The following CYFIP1 variants were observed in gnomAD, a reference collection of about 807,000 sequenced individuals.
CYFIP1 encodes cytoplasmic FMR1-interacting protein 1.
A neutral mutation model predicts 163.5 loss-of-function variants in CYFIP1; 58 were observed. That is an observed-to-expected ratio of 0.35 (90% CI 0.29 to 0.44). The LOEUF (loss-of-function observed/expected upper bound fraction) is 0.44. Among genes scored for constraint, CYFIP1 ranks in the 20% least tolerant of loss-of-function variants. The pLI, the probability that CYFIP1 is intolerant of heterozygous loss-of-function variation, is 1.00. For synonymous variants in CYFIP1, 663 were observed against 660.7 expected, an observed-to-expected ratio of 1.00 and a Z score of -0.05; for missense variants, 1,338 against 1,653.8, an observed-to-expected ratio of 0.81 and a Z score of 3.31.
At chr15:22,963,682 T>C (rs570107803) in intron 1 of CYFIP1, among the ~76,000 whole-genome samples, 8 of 152,226 alleles carry the variant, frequency 5.3e-5, no homozygotes, top group African/African-American at 1.9e-4. Context: ...CTCACTCCTA[T>C]GGCCCCGGGC....
chr15:22,897,837 G>A (rs899671087), intron 22 of CYFIP1, among the ~76,000 whole-genome samples: 1 of 152,202 alleles, frequency 6.6e-6, no homozygotes, highest in Non-Finnish European at 1.5e-5. Context: ...TCCTGGCCTT[G>A]TGTGAACGCT....
At chr15:22,874,097 G>A (rs543309348) in intron 28 of CYFIP1, among the ~76,000 whole-genome samples, 1 of 152,298 alleles carries the variant, frequency 6.6e-6, no homozygotes, top group East Asian at 1.9e-4. Context: ...GGCCAGGGAT[G>A]CTGCTAACCA....
chr15:22,936,919 C>T (rs1242022364), intron 9 of CYFIP1, among the ~76,000 whole-genome samples, 185 bp downstream of exon 9: 1 of 152,106 alleles, frequency 6.6e-6, no homozygotes, highest in Non-Finnish European at 1.5e-5. Context: ...CAGGCAAAAC[C>T]AGCACAGGGC....
At chr15:22,891,641 C>T (rs552504999) in intron 23 of CYFIP1, among the ~76,000 whole-genome samples, 6 of 152,258 alleles carry the variant, frequency 3.9e-5, no homozygotes, top group Non-Finnish European at 5.9e-5. Flanking sequence ...GCGGGAGAGA[C>T]GGGCAGCGTA....
chr15:22,899,206 A>G (rs1210855050), intron 22 of CYFIP1, among the ~76,000 whole-genome samples: 1 of 152,162 alleles, frequency 6.6e-6, no homozygotes, highest in Non-Finnish European at 1.5e-5. Context: ...TATACTAAGA[A>G]TAATGAAGCA....
chr15:22,883,207 T>C (rs1454912865), intron 23 of CYFIP1, among the ~76,000 whole-genome samples, 196 bp from the exon 24 acceptor site: 2 of 152,104 alleles, frequency 1.3e-5, no homozygotes, highest in African/African-American at 2.4e-5. Flanking sequence ...CCTGCTAAAA[T>C]AGAAAAGAAA....
At chr15:22,879,160 A>T (rs1257478315) in intron 26 of CYFIP1, among the ~76,000 whole-genome samples, 1 of 152,118 alleles carries the variant, frequency 6.6e-6, no homozygotes, top group East Asian at 1.9e-4. Flanking sequence ...AGAAAAAGAA[A>T]ATAGGCCGAA....
intron 23 of CYFIP1, among the ~76,000 whole-genome samples, chr15:22,892,418 G>A (rs77853339): frequency 0.024 from 3,597 of 152,148 alleles, 136 homozygotes; most frequent in African/African-American, 0.083. Context: ...AGGCACAGGC[G>A]GACATCCTTG....
At chr15:22,885,724 C>T (rs2059910074) in intron 23 of CYFIP1, among the ~76,000 whole-genome samples, 1 of 152,072 alleles carries the variant, frequency 6.6e-6, no homozygotes, top group Non-Finnish European at 1.5e-5. Context: ...CAGGGTGAGA[C>T]TCCATTTCAA....
At chr15:22,934,034 A>G (rs961324099) in intron 9 of CYFIP1, 141 bp from the exon 10 acceptor site, 33 of 586,678 alleles carry the variant, frequency 5.6e-5, no homozygotes, top group African/African-American at 3.7e-4. Context: ...AAAAAAAACT[A>G]TAAGTAACTT....
At chr15:22,895,471 A>G (rs1019165865) in intron 22 of CYFIP1, among the ~76,000 whole-genome samples, 1 of 151,900 alleles carries the variant, frequency 6.6e-6, no homozygotes, top group Non-Finnish European at 1.5e-5. Flanking sequence ...TAAATAATAC[A>G]TTTCTACAAC....
rs748657011 is a variant in CYFIP1, at chr15:22,914,738, G to T, written c.1973C>A (p.Ala658Glu). ...LTDHILETKE[A>E]SMMEYVLYSL... ...GCAGGACACGCACTCCATCATCGAT[G>T]CCTCCTTGGTCTCCAGGATGTGGTC... is the stretch of plus-strand genomic sequence containing the variant. Residue 658 changes from alanine to glutamate, a missense_variant, in exon 17 of 31, where the codon GCA becomes GAA. Ala to Glu is a moderately radical substitution (Grantham distance 107). Transcript: ENST00000617928. 1.6e-5 allele frequency: 26 copies of T among 1,611,634 alleles called. No homozygotes were observed. Among genetic ancestry groups the T allele is most frequent in the Non-Finnish European group, 2.1e-5 (25 of 1,178,770 alleles).
chr15:22,901,526 G>A (rs1016091996), intron 22 of CYFIP1, among the ~76,000 whole-genome samples: 6 of 152,208 alleles, frequency 3.9e-5, no homozygotes, highest in African/African-American at 1.4e-4. Flanking sequence ...ATGGTCTTCT[G>A]GAAAAGAGGC....
intron 23 of CYFIP1, among the ~76,000 whole-genome samples, chr15:22,884,695 G>A (rs1226791148): frequency 6.6e-6 from 1 of 152,146 alleles, no homozygotes; most frequent in African/African-American, 2.4e-5. Flanking sequence ...TGGGGACTCT[G>A]TGTGTGGGGC....
At chr15:22,892,496 C>T (rs966828012) in intron 23 of CYFIP1, among the ~76,000 whole-genome samples, 1 of 152,152 alleles carries the variant, frequency 6.6e-6, no homozygotes, top group Non-Finnish European at 1.5e-5. Context: ...GCCTTACAGC[C>T]ACCCTGGGCC....
In CYFIP1 at chr15:22,910,755, T is replaced by C; in HGVS notation, c.2141A>G (p.Tyr714Cys). The change falls in exon 19 of 31, where the codon TAT becomes TGT. Residue 714 changes from tyrosine to cysteine, a missense_variant. Coordinates refer to ENST00000617928, the MANE Select transcript of CYFIP1 (RefSeq NM_014608.6). ...YKLADQIFAYYKVMAGSLLLD... is the reference protein window; with the variant it reads ...YKLADQIFAYCKVMAGSLLLD... ...TACTCACCTTCCTGCCATAACCTTATAATAGGCAAATATCTGGTCTGCTAG... is the reference window on the plus strand; with the variant it reads ...TACTCACCTTCCTGCCATAACCTTACAATAGGCAAATATCTGGTCTGCTAG... The C allele has an allele frequency of 1.2e-6, 2 of 1,613,832 alleles. No homozygotes were observed. Among genetic ancestry groups the C allele is most frequent in the South Asian group, 1.1e-5 (1 of 91,078 alleles).
At chr15:22,888,341 A>G (rs567363754) in intron 23 of CYFIP1, among the ~76,000 whole-genome samples, 1 of 152,316 alleles carries the variant, frequency 6.6e-6, no homozygotes, top group South Asian at 2.1e-4. Flanking sequence ...CACATGACTC[A>G]GCTCAGACAT....
At chr15:22,940,749 A>G (rs542542824) in intron 6 of CYFIP1, among the ~76,000 whole-genome samples, 2 of 152,330 alleles carry the variant, frequency 1.3e-5, no homozygotes, top group African/African-American at 4.8e-5. Flanking sequence ...CTTTTTAAAC[A>G]TGTTTCCAGG....
rs149819460 is a variant in CYFIP1, at chr15:22,964,850, T to A, written c.-7+15437A>T. On this transcript the variant is annotated intron_variant, in intron 1 of 30. Coordinates refer to ENST00000617928, the MANE Select transcript of CYFIP1 (RefSeq NM_014608.6). ...CGTCTGCCTGCCCAGATGGGTTATT[T>A]GCAGCGACCCTCATTCTACTCTCTG... is the stretch of plus-strand genomic sequence containing the variant. Among the ~76,000 whole-genome samples the A allele has an allele frequency of 3.3e-5, 5 of 152,298 alleles. No individual in the cohort carries two copies. The East Asian group carries it at 9.7e-4, about 29-fold the overall frequency.
Sources: gnomAD v4.1 joint callset for allele counts (sites outside exome capture counted in the v4.1 genomes callset) on GRCh38, gnomAD v4.1.1 for gene constraint, MANE v1.5 for transcripts, NCBI Gene and HGNC (gene_info 2026-07-23, HGNC 2026-07-21) for gene names.